Variants in NCALD observed in about 807,000 individuals in gnomAD.
NCALD encodes neurocalcin delta.
NCALD carries 10 observed loss-of-function variants against 18.6 expected under a neutral mutation model. The observed-to-expected ratio is 0.54, with a 90% CI of 0.33 to 0.91. The LOEUF is 0.91. Ranked by LOEUF, NCALD falls within the 40% of genes least tolerant of loss-of-function variation. The pLI is 0.03. For synonymous variants in NCALD, 88 were observed against 87.4 expected (o/e 1.01, Z -0.04); for missense variants, 184 against 247.6 (o/e 0.74, Z 1.72).
At chr8:101,912,532 T>C (rs925313905) in intron 3 of NCALD, among the ~76,000 whole-genome samples, 4 of 152,354 alleles carry the variant, frequency 2.6e-5, no homozygotes, top group Non-Finnish European at 4.4e-5. Context: ...GAGGAGTATT[T>C]AGGAGTATTT....
At chr8:101,768,982 G>A (rs1390165681) in intron 1 of NCALD, among the ~76,000 whole-genome samples, 1 of 152,122 alleles carries the variant, frequency 6.6e-6, no homozygotes, top group East Asian at 1.9e-4. Context: ...GTTATCACAG[G>A]TTCTTTTAAG....
intron 4 of NCALD, among the ~76,000 whole-genome samples, chr8:101,864,413 C>T (rs1317244164): frequency 3.9e-5 from 6 of 152,048 alleles, no homozygotes; most frequent in African/African-American, 1.5e-4. Flanking sequence ...TTACGGATGG[C>T]TCCATGGAAA....
chr8:101,764,090 G>C (rs113487827), intron 1 of NCALD, among the ~76,000 whole-genome samples: 3 of 151,634 alleles, frequency 2.0e-5, no homozygotes, highest in African/African-American at 7.3e-5. Flanking sequence ...TATTCTAGTC[G>C]AGTAGTAGGT....
chr8:102,071,842 A>T (rs1432377505), intron 1 of NCALD, among the ~76,000 whole-genome samples: 2 of 152,190 alleles, frequency 1.3e-5, no homozygotes, highest in African/African-American at 4.8e-5. Flanking sequence ...ATGAAAGAAG[A>T]CCTACATAAA....
At chr8:102,113,688 A>G (rs1369851448) in intron 1 of NCALD, among the ~76,000 whole-genome samples, 2 of 152,176 alleles carry the variant, frequency 1.3e-5, no homozygotes, top group Non-Finnish European at 2.9e-5. Context: ...TAATTACTGG[A>G]AAGTCCTCCC....
At chr8:101,994,701 T>G (rs1255247416) in intron 2 of NCALD, among the ~76,000 whole-genome samples, 1 of 152,252 alleles carries the variant, frequency 6.6e-6, no homozygotes, top group Non-Finnish European at 1.5e-5. Flanking sequence ...CCTTGTGCCT[T>G]TAGACCAGTT....
chr8:102,061,070 T>C (rs559888515), intron 1 of NCALD, among the ~76,000 whole-genome samples: 6 of 152,186 alleles, frequency 3.9e-5, no homozygotes, highest in African/African-American at 1.4e-4. Flanking sequence ...TCTATTCCTT[T>C]CTCCCCTCCC....
intron 4 of NCALD, among the ~76,000 whole-genome samples, chr8:101,834,594 T>C (rs536298762): frequency 6.6e-6 from 1 of 152,370 alleles, no homozygotes; most frequent in South Asian, 2.1e-4. Flanking sequence ...CAGGGGTACC[T>C]GACCAATGTG....
At chr8:101,736,253 C>A (rs1809910137) in intron 1 of NCALD, among the ~76,000 whole-genome samples, 1 of 152,130 alleles carries the variant, frequency 6.6e-6, no homozygotes, top group African/African-American at 2.4e-5. Flanking sequence ...CTGTTCGTAT[C>A]CCTTTAGTGT....
At chr8:101,978,727 T>C (rs1025109000) in intron 2 of NCALD, among the ~76,000 whole-genome samples, 1 of 152,152 alleles carries the variant, frequency 6.6e-6, no homozygotes, top group Non-Finnish European at 1.5e-5. Flanking sequence ...CTGCTTGTCT[T>C]ATTCACCATG....
At chr8:101,708,125 T>C (rs78355388) in intron 2 of NCALD, among the ~76,000 whole-genome samples, 3,934 of 152,240 alleles carry the variant, frequency 0.026, 135 homozygotes, top group African/African-American at 0.078. Context: ...CCAAACAGTC[T>C]CAATGCATGA....
chr8:101,737,411 C>A (rs1192511818), intron 1 of NCALD, among the ~76,000 whole-genome samples: 1 of 152,152 alleles, frequency 6.6e-6, no homozygotes, highest in Non-Finnish European at 1.5e-5. Context: ...TTTAAGGCTC[C>A]CCACCTGTTC....
chr8:101,769,675 C>G (rs2130886515), intron 1 of NCALD, among the ~76,000 whole-genome samples: 1 of 151,732 alleles, frequency 6.6e-6, no homozygotes, highest in Admixed American at 6.6e-5. Flanking sequence ...CAACACTTAC[C>G]TGCAACGGCA....
At chr8:102,112,389 G>A (rs79935181) in intron 1 of NCALD, among the ~76,000 whole-genome samples, 2,629 of 152,196 alleles carry the variant, frequency 0.017, 102 homozygotes, top group African/African-American at 0.06. Flanking sequence ...GAAGGGATGT[G>A]CTTTTTCCAG....
intron 4 of NCALD, among the ~76,000 whole-genome samples, chr8:101,839,782 C>A (rs1814565057): frequency 6.6e-6 from 1 of 151,808 alleles, no homozygotes; most frequent in Non-Finnish European, 1.5e-5. Flanking sequence ...TCAATCATGG[C>A]ACCAAATCAA....
intron 3 of NCALD, among the ~76,000 whole-genome samples, chr8:101,888,565 G>C (rs557006305): frequency 5.3e-5 from 8 of 151,998 alleles, no homozygotes; most frequent in Admixed American, 2.6e-4. Context: ...CTGCAGGGAT[G>C]CCCCAACATG....
chr8:101,688,389 C>T lies in NCALD; in HGVS notation c.*920G>A, dbSNP rs1007726843. Reference sequence around the variant, plus strand: ...TATAAAATATACTTGTCGATTGGTACATTTGTGCAAAGACAGATATGACTT... The same window carrying T: ...TATAAAATATACTTGTCGATTGGTATATTTGTGCAAAGACAGATATGACTT... On this transcript the variant is annotated 3_prime_UTR_variant, in exon 4 of 4. Coordinates refer to ENST00000220931, the MANE Select transcript of NCALD (RefSeq NM_032041.3). The T allele has an allele frequency of 7.9e-6, 2 of 252,988 alleles. No homozygotes were observed. The highest frequency in any genetic ancestry group is 1.6e-5 in the Non-Finnish European group (2 of 125,264). 15.7% of individuals were successfully genotyped at this position (252,988 alleles called of 1,614,324 possible).
chr8:101,691,287 T>G (rs2129945184), intron 3 of NCALD: 1 of 985,386 alleles, frequency 1.0e-6, no homozygotes, highest in South Asian at 4.7e-5. Flanking sequence ...AAAATTTAAT[T>G]TAATTTTAAA....
intron 1 of NCALD, among the ~76,000 whole-genome samples, chr8:101,784,673 C>G (rs781290108): frequency 6.6e-6 from 1 of 151,940 alleles, no homozygotes; most frequent in Non-Finnish European, 1.5e-5. Flanking sequence ...TGGTGGCATA[C>G]GCCTATAGTC....
Sources: allele counts gnomAD v4.1 joint callset (sites outside exome capture counted in the v4.1 genomes callset), GRCh38; gene constraint gnomAD v4.1.1; transcripts MANE v1.5; gene names NCBI Gene and HGNC (gene_info 2026-07-23, HGNC 2026-07-21).